MOCOS: variants seen among roughly 807,000 people sequenced by gnomAD.
The protein encoded by MOCOS is human molybdenum cofactor sulfurase.
A neutral mutation model predicts 83.6 loss-of-function variants in MOCOS; 86 were observed. The ratio of observed to expected loss-of-function variants is 1.03; its 90% CI spans 0.86 to 1.23. MOCOS has a LOEUF of 1.23. Among genes scored for constraint, MOCOS ranks in the 50% most tolerant of loss-of-function variants. The pLI is 0.00. For synonymous variants in MOCOS, 445 were observed against 434.7 expected, an observed-to-expected ratio of 1.02 and a Z score of -0.29; for missense variants, 1,120 against 1,126.9, an observed-to-expected ratio of 0.99 and a Z score of 0.09.
intron 11 of MOCOS, among the ~76,000 whole-genome samples, chr18:36,255,609 C>G (rs954563264): frequency 6.6e-6 from 1 of 152,138 alleles, no homozygotes; most frequent in African/African-American, 2.4e-5. Context: ...CCTCCCTTCT[C>G]TGGCAGAGCC....
At chr18:36,266,701 C>T (rs1957995861) in intron 13 of MOCOS, 48 bp from the exon 14 acceptor site, 1 of 1,518,354 alleles carries the variant, frequency 6.6e-7, no homozygotes, top group Admixed American at 1.7e-5. Flanking sequence ...AGGTGCAAGG[C>T]TCTGGTCACT....
At chr18:36,191,114 A>G (rs1397509776) in intron 1 of MOCOS, among the ~76,000 whole-genome samples, 1 of 151,548 alleles carries the variant, frequency 6.6e-6, no homozygotes. Context: ...TCCTGTCACC[A>G]TATGAAGATG....
At chr18:36,213,754 C>T (rs1162467718) in intron 7 of MOCOS, among the ~76,000 whole-genome samples, 1 of 151,240 alleles carries the variant, frequency 6.6e-6, no homozygotes, top group East Asian at 1.9e-4. Flanking sequence ...CATGGTGAAA[C>T]CCTGTCTCTA....
chr18:36,235,001 G>A (rs947694024), intron 9 of MOCOS, among the ~76,000 whole-genome samples: 1 of 152,050 alleles, frequency 6.6e-6, no homozygotes, highest in African/African-American at 2.4e-5. Context: ...ATCACAACTT[G>A]AGATGAGATT....
chr18:36,188,388 A>G (rs1024618432), intron 1 of MOCOS, among the ~76,000 whole-genome samples: 4 of 152,182 alleles, frequency 2.6e-5, no homozygotes, highest in Non-Finnish European at 4.4e-5. Context: ...CTTTCCTCAG[A>G]GCGGAACAGG....
intron 4 of MOCOS, among the ~76,000 whole-genome samples, chr18:36,200,858 C>T (rs947792113): frequency 5.9e-5 from 9 of 152,184 alleles, no homozygotes; most frequent in African/African-American, 1.9e-4. Context: ...GCAGTGTTAG[C>T]GGCAACCTCT....
At chr18:36,196,821 T>C (rs1021424343) in intron 2 of MOCOS, among the ~76,000 whole-genome samples, 1 of 151,638 alleles carries the variant, frequency 6.6e-6, no homozygotes, top group Non-Finnish European at 1.5e-5. Context: ...TTACTAGCAA[T>C]GTGGAAACAG....
In MOCOS at chr18:36,215,599, G is replaced by A. The variant is rs756236625; in HGVS notation, c.1419G>A (p.Ser473=). 3.1e-5 allele frequency: 50 copies of A among 1,614,092 alleles called. No homozygotes were observed. The highest frequency in any genetic ancestry group is 2.6e-4 in the South Asian group (24 of 91,064). The change falls in exon 8 of 15, where the codon TCG becomes TCA. Residue 473 remains serine, a synonymous_variant. Coordinates refer to ENST00000261326, the MANE Select transcript of MOCOS (RefSeq NM_017947.4). ...TGAGGATTTCATTTGGATACATGTCGACGCTGGATGATGTCCAGGCCTTTC... is the reference window on the plus strand; with the variant it reads ...TGAGGATTTCATTTGGATACATGTCAACGCTGGATGATGTCCAGGCCTTTC... ...GSVRISFGYM[S]TLDDVQAFLR... is the part of the protein sequence containing the mutation.
At chr18:36,215,225 C>T (rs2091471190) in intron 7 of MOCOS, among the ~76,000 whole-genome samples, 1 of 152,178 alleles carries the variant, frequency 6.6e-6, no homozygotes, top group African/African-American at 2.4e-5. Flanking sequence ...TGAGCCAGCC[C>T]TGTGCCTGGC....
rs371152226 is a variant in MOCOS at position 36,219,943 on chromosome 18, G to A, written c.1798-112G>A. 7.5e-5 allele frequency: 100 copies of A among 1,329,900 alleles called. 1 individual carries two copies. In the African/African-American group the frequency reaches 1.4e-3, roughly 18 times the overall value. 82.4% of individuals were successfully genotyped at this position (1,329,900 alleles called of 1,614,324 possible). On this transcript the variant is annotated intron_variant, in intron 8 of 14. Transcript: ENST00000261326. ...TCTCTTCCTCCCTTTCTTCCTTCCA[G>A]TGTAGGTGCTGAATTCATGAAGTCT...
chr18:36,245,189 T>G (rs957535124), intron 9 of MOCOS, among the ~76,000 whole-genome samples: 12 of 152,058 alleles, frequency 7.9e-5, no homozygotes, highest in African/African-American at 2.7e-4. Context: ...CTGAATACCT[T>G]TTTTTTATTG....
In MOCOS at chr18:36,256,935, C is replaced by T. The variant is rs1444798890; in HGVS notation, c.2165-33C>T. 6 of 1,549,266 alleles carry T rather than the reference C, an allele frequency of 3.9e-6. 1 individual carries two copies. In the South Asian group the frequency reaches 5.6e-5, roughly 14 times the overall value. On this transcript the variant is annotated intron_variant, in intron 11 of 14. Coordinates refer to ENST00000261326, the MANE Select transcript of MOCOS (RefSeq NM_017947.4). The stretch of plus-strand genomic sequence containing the variant: ...ATGATTCACTGGCATTCTGAGAAAG[C>T]AACTCTTCTTTTAAATGCTCCATCA...
At chr18:36,223,049 A>G (rs2091502584) in intron 9 of MOCOS, among the ~76,000 whole-genome samples, 1 of 152,154 alleles carries the variant, frequency 6.6e-6, no homozygotes, top group Admixed American at 6.5e-5. Context: ...TTGCCTTTTC[A>G]CTTTTTTAAT....
intron 12 of MOCOS, 76 bp from the exon 13 acceptor site, chr18:36,259,961 G>A: frequency 6.3e-7 from 1 of 1,580,918 alleles, no homozygotes; most frequent in Non-Finnish European, 8.7e-7. Context: ...TTACATGGCA[G>A]GCATGATGAA....
chr18:36,260,443 A>C (rs1439918699), intron 13 of MOCOS, among the ~76,000 whole-genome samples: 1 of 152,178 alleles, frequency 6.6e-6, no homozygotes, highest in African/African-American at 2.4e-5. Flanking sequence ...TGCTGTCGTT[A>C]TGTCCAGACT....
chr18:36,253,216 C>G (rs2091628274), intron 11 of MOCOS, among the ~76,000 whole-genome samples: 1 of 152,146 alleles, frequency 6.6e-6, no homozygotes, highest in Non-Finnish European at 1.5e-5. Context: ...TAGTCCTGGT[C>G]CTTTGGAGTC....
At chr18:36,235,091 C>A (rs896744202) in intron 9 of MOCOS, among the ~76,000 whole-genome samples, 1 of 151,992 alleles carries the variant, frequency 6.6e-6, no homozygotes, top group Non-Finnish European at 1.5e-5. Context: ...ATTTCAAAAC[C>A]AATCATGCCT....
At chr18:36,194,128 G>A (rs2091377469) in intron 1 of MOCOS, among the ~76,000 whole-genome samples, 1 of 152,188 alleles carries the variant, frequency 6.6e-6, no homozygotes, top group South Asian at 2.1e-4. Context: ...GGTTATCAAG[G>A]GCTGGGGTTG....
At position 36,257,034 on chromosome 18, in the gene MOCOS, C is replaced by T. The variant is rs1407360125; in HGVS notation, c.2231C>T (p.Thr744Ile). ...VNEAQYLLIN[T>I]SSILELHRQL... ...GAGGCACAGTATCTGCTGATCAACA[C>T]ATCCAGTATTTTGGAACTTCACCGG... The change falls in exon 12 of 15, where the codon ACA becomes ATA. Residue 744 changes from threonine (T) to isoleucine (I), a missense_variant. By Grantham distance (89) the Thr-to-Ile change is moderately conservative (BLOSUM62 -1). Coordinates refer to ENST00000261326, the MANE Select transcript of MOCOS (RefSeq NM_017947.4). The T allele has an allele frequency of 6.2e-7, 1 of 1,614,144 alleles. No homozygotes were observed.
Sources: allele counts gnomAD v4.1 joint callset (sites outside exome capture counted in the v4.1 genomes callset), GRCh38; gene constraint gnomAD v4.1.1; transcripts MANE v1.5; gene names NCBI Gene and HGNC (gene_info 2026-07-23, HGNC 2026-07-21).